CNTN5: variants seen among roughly 807,000 people sequenced by gnomAD.
CNTN5 encodes contactin 5.
Under a neutral mutation model 129.1 loss-of-function variants are expected in CNTN5, and 77 were observed. The ratio of observed to expected loss-of-function variants is 0.60; its 90% CI spans 0.50 to 0.72. CNTN5 has a LOEUF of 0.72. Among genes scored for constraint, CNTN5 ranks in the 30% least tolerant of loss-of-function variants. The pLI is 0.00. For synonymous variants in CNTN5, 509 were observed against 465.6 expected, an observed-to-expected ratio of 1.09 and a Z score of -1.20; for missense variants, 1,478 against 1,328.8, an observed-to-expected ratio of 1.11 and a Z score of -1.75.
chr11:99,433,052 T>C (rs1207732825), intron 2 of CNTN5, among the ~76,000 whole-genome samples: 1 of 146,956 alleles, frequency 6.8e-6, no homozygotes, highest in Non-Finnish European at 1.5e-5. Flanking sequence ...TGTAGATTGA[T>C]GGCCTAACCT....
intron 13 of CNTN5, among the ~76,000 whole-genome samples, chr11:100,144,384 C>T (rs1177822755): frequency 6.6e-6 from 1 of 152,072 alleles, no homozygotes; most frequent in East Asian, 1.9e-4. Flanking sequence ...TTTCCTTCCA[C>T]TTTTTGGAGT....
Position 99,682,403 on chromosome 11 carries a change from T to C in CNTN5, c.55+126134T>C, listed in dbSNP as rs574556117. ...AAATGAAAGCCAGTTAGTACAATGC[T>C]AAAAATATGAGGCAGGGGTGGGAGG... is the stretch of plus-strand genomic sequence containing the variant. On this transcript the variant is annotated intron_variant, in intron 3 of 24. Transcript: ENST00000524871. Among the ~76,000 whole-genome samples, 18 of 151,934 alleles carry C rather than the reference T, an allele frequency of 1.2e-4. 1 individual carries two copies. Among genetic ancestry groups the C allele is most frequent in the Middle Eastern group, 3.4e-3 (1 of 294 alleles).
chr11:99,466,729 CT>C (rs1944959646), intron 2 of CNTN5, among the ~76,000 whole-genome samples: 2 of 152,278 alleles, frequency 1.3e-5, no homozygotes, highest in South Asian at 4.1e-4. Flanking sequence ...TAAGCTCCCC[CT>C]ATCTATGACA....
At chr11:100,209,415 A>G (rs2138580781) in intron 15 of CNTN5, among the ~76,000 whole-genome samples, 2 of 152,342 alleles carry the variant, frequency 1.3e-5, no homozygotes, top group Middle Eastern at 3.4e-3. Flanking sequence ...AATTAAGTTC[A>G]GCCAGACAAA....
At chr11:99,185,817 TCAAAATAAC>T (rs1858320379) in intron 1 of CNTN5, among the ~76,000 whole-genome samples, 2 of 127,324 alleles carry the variant, frequency 1.6e-5, no homozygotes, top group Admixed American at 8.0e-5. Context: ...AAATAACCCA[TCAAAATAAC>T]GGAGAGGAAA....
rs534483102 is a variant in CNTN5 at position 99,089,699 on chromosome 11, A to C, written c.-210+68429A>C. Among the ~76,000 whole-genome samples, 6 of 152,356 alleles carry C rather than the reference A, an allele frequency of 3.9e-5. No individual in the cohort carries two copies. The South Asian group carries it at 1.2e-3, about 32-fold the overall frequency. On this transcript the variant is annotated intron_variant, in intron 1 of 24. Coordinates refer to ENST00000524871, the MANE Select transcript of CNTN5 (RefSeq NM_014361.4). ...TACATTGGTAATTTTAAAGTATCTAAGTGTATTTTTAATTAAAGTTTAGAT... is the reference window on the plus strand; with the variant it reads ...TACATTGGTAATTTTAAAGTATCTACGTGTATTTTTAATTAAAGTTTAGAT...
At chr11:99,468,918 C>G (rs1945057300) in intron 2 of CNTN5, among the ~76,000 whole-genome samples, 1 of 151,950 alleles carries the variant, frequency 6.6e-6, no homozygotes. Flanking sequence ...TTAATAGCAT[C>G]TATTTGTGAA....
intron 3 of CNTN5, among the ~76,000 whole-genome samples, chr11:99,583,717 G>A (rs2851600): frequency 0.91 from 138,405 of 152,182 alleles, 63,098 homozygotes; most frequent in East Asian, 1. Context: ...TCCAGGTGCC[G>A]TCTGTCACCC....
chr11:99,077,873 C>T (rs148363953), intron 1 of CNTN5, among the ~76,000 whole-genome samples: 49 of 152,194 alleles, frequency 3.2e-4, no homozygotes, highest in East Asian at 2.5e-3. Flanking sequence ...GCAGCCTATC[C>T]GGCAGAACTG....
At chr11:99,885,524 A>G (rs1469202732) in intron 6 of CNTN5, among the ~76,000 whole-genome samples, 1 of 152,190 alleles carries the variant, frequency 6.6e-6, no homozygotes, top group African/African-American at 2.4e-5. Flanking sequence ...CAAAACTGAG[A>G]GTTTACAACC....
chr11:100,059,718 A>G (rs142774825), intron 9 of CNTN5, among the ~76,000 whole-genome samples: 84 of 152,280 alleles, frequency 5.5e-4, no homozygotes, highest in African/African-American at 2.0e-3. Context: ...ATAGGGAAAC[A>G]GTATCACATA....
intron 1 of CNTN5, among the ~76,000 whole-genome samples, chr11:99,105,417 A>G (rs928280555): frequency 3.3e-5 from 5 of 152,178 alleles, no homozygotes; most frequent in Non-Finnish European, 7.4e-5. Context: ...TGTACTAACT[A>G]CCATAAATGT....
At chr11:99,425,969 A>G (rs1253936640) in intron 2 of CNTN5, among the ~76,000 whole-genome samples, 1 of 152,264 alleles carries the variant, frequency 6.6e-6, no homozygotes, top group African/African-American at 2.4e-5. Flanking sequence ...TTTATGTGGC[A>G]AACAGCAATC....
At chr11:99,425,763 C>T (rs1943093592) in intron 2 of CNTN5, among the ~76,000 whole-genome samples, 1 of 152,198 alleles carries the variant, frequency 6.6e-6, no homozygotes, top group African/African-American at 2.4e-5. Flanking sequence ...CAACTGCACC[C>T]TGGAGTGTGG....
At chr11:99,971,262 A>G (rs918493406) in intron 8 of CNTN5, among the ~76,000 whole-genome samples, 3 of 152,116 alleles carry the variant, frequency 2.0e-5, no homozygotes, top group Non-Finnish European at 4.4e-5. Flanking sequence ...ATACTTTACA[A>G]GACCGGGCAT....
chr11:99,711,663 G>A (rs1954995049), intron 3 of CNTN5, among the ~76,000 whole-genome samples: 1 of 151,816 alleles, frequency 6.6e-6, no homozygotes, highest in Non-Finnish European at 1.5e-5. Context: ...GCTGGTGTGT[G>A]ATGTCCCCTT....
intron 2 of CNTN5, among the ~76,000 whole-genome samples, chr11:99,449,581 A>T (rs1164632939): frequency 6.6e-6 from 1 of 152,262 alleles, no homozygotes; most frequent in East Asian, 1.9e-4. Context: ...AAAATAATTT[A>T]TTATTTCTCA....
intron 12 of CNTN5, among the ~76,000 whole-genome samples, chr11:100,072,536 G>A (rs1943962371): frequency 6.6e-6 from 1 of 152,160 alleles, no homozygotes; most frequent in African/African-American, 2.4e-5. Context: ...GTTCAGGGAT[G>A]TTTGTAATGT....
intron 13 of CNTN5, among the ~76,000 whole-genome samples, chr11:100,088,280 T>C (rs1193692402): frequency 1.3e-5 from 2 of 151,802 alleles, no homozygotes; most frequent in Non-Finnish European, 2.9e-5. Flanking sequence ...ATGCCTACCT[T>C]GAAACATGAG....
Sources: gnomAD v4.1 joint callset for allele counts (sites outside exome capture counted in the v4.1 genomes callset) on GRCh38, gnomAD v4.1.1 for gene constraint, MANE v1.5 for transcripts, NCBI Gene and HGNC (gene_info 2026-07-23, HGNC 2026-07-21) for gene names.